LCOR: variants seen among roughly 807,000 people sequenced by gnomAD.
LCOR encodes the protein ligand dependent nuclear receptor corepressor.
Under a neutral mutation model 64.4 loss-of-function variants are expected in LCOR, and 14 were observed. The observed-to-expected ratio is 0.22, with a 90% CI of 0.14 to 0.34. LCOR has a LOEUF of 0.34. Among genes scored for constraint, LCOR ranks in the 10% least tolerant of loss-of-function variants. LCOR has a pLI of 1.00. For missense variants in LCOR, 1,686 were observed against 1,765.3 expected (o/e 0.96, Z 0.80); for synonymous variants, 643 against 642.5 (o/e 1.00, Z -0.01).
rs1848152915 is a variant in LCOR at position 96,986,716 on chromosome 10, G to C, written c.*1582G>C. Reference sequence around the variant, plus strand: ...CCATTGGGCCGCTCTACAAAAAAAGGCTTGGTTGTTGAAGCCTCAGTCAGC... The same window carrying C: ...CCATTGGGCCGCTCTACAAAAAAAGCCTTGGTTGTTGAAGCCTCAGTCAGC... On this transcript the variant is annotated 3_prime_UTR_variant, in exon 8 of 8. Coordinates refer to ENST00000421806, the MANE Select transcript of LCOR (RefSeq NM_001346516.2). 6.6e-6 allele frequency: 1 copy of C among 152,236 alleles called. No individual in the cohort carries two copies. Among genetic ancestry groups the C allele is most frequent in the Non-Finnish European group, 1.5e-5 (1 of 68,056 alleles). The allele number at this position is 152,236 out of a possible 1,614,324, so 9.4% of individuals were successfully genotyped here. A position where few individuals can be genotyped will look rare whatever the true frequency, so the allele number is the denominator to read the frequency against.
intron 2 of LCOR, among the ~76,000 whole-genome samples, chr10:96,861,120 G>C (rs904406192): frequency 6.6e-6 from 1 of 152,182 alleles, no homozygotes; most frequent in Non-Finnish European, 1.5e-5. Context: ...TTTATAGAAA[G>C]TGGGTATCTT....
chr10:96,964,934 C>T (rs998141311), intron 7 of LCOR, among the ~76,000 whole-genome samples: 2 of 152,060 alleles, frequency 1.3e-5, no homozygotes, highest in Non-Finnish European at 2.9e-5. Flanking sequence ...TGGTAGTTCT[C>T]ATTCTTGGCA....
At chr10:96,900,490 A>C (rs552434948) in intron 2 of LCOR, among the ~76,000 whole-genome samples, 1 of 152,214 alleles carries the variant, frequency 6.6e-6, no homozygotes, top group East Asian at 1.9e-4. Flanking sequence ...GATATAATAG[A>C]GAAGAACAAA....
intron 7 of LCOR, chr10:96,958,348 T>C: frequency 1.3e-6 from 2 of 1,532,668 alleles, no homozygotes; most frequent in Non-Finnish European, 1.7e-6. Flanking sequence ...ATGTAAATTT[T>C]GTCATTGTAG....
chr10:96,914,227 G>A (rs1473613542), intron 4 of LCOR, among the ~76,000 whole-genome samples: 2 of 152,038 alleles, frequency 1.3e-5, no homozygotes, highest in Non-Finnish European at 2.9e-5. Flanking sequence ...ACGGAGCCTC[G>A]CTCTTGTTGC....
At chr10:96,921,446 T>G (rs1328677182) in intron 4 of LCOR, among the ~76,000 whole-genome samples, 1 of 152,074 alleles carries the variant, frequency 6.6e-6, no homozygotes, top group African/African-American at 2.4e-5. Flanking sequence ...GGATCCAGCT[T>G]CATTCTTTAT....
chr10:96,880,873 G>A (rs1225934501), intron 2 of LCOR, among the ~76,000 whole-genome samples: 4 of 152,318 alleles, frequency 2.6e-5, no homozygotes, highest in African/African-American at 9.6e-5. Flanking sequence ...TATATTGAAC[G>A]TAGGTGAACC....
rs969791274 is a variant in LCOR, at chr10:96,916,053, ACGGAGTCT to A, written c.-184+8309_-184+8316del. Among the ~76,000 whole-genome samples, 21 of 151,926 alleles carry A rather than the reference ACGGAGTCT, an allele frequency of 1.4e-4. 1 individual carries two copies. Among genetic ancestry groups the A allele is most frequent in the African/African-American group, 5.1e-4 (21 of 41,328 alleles). On this transcript the variant is annotated intron_variant, in intron 4 of 7. Coordinates refer to ENST00000421806, the MANE Select transcript of LCOR (RefSeq NM_001346516.2). Reference sequence around the variant, plus strand: ...CATTTATTTATTTATTTATTTAGAGACGGAGTCTCGTTCTGTTGCCCAGGCTGGAGTGC... The same window carrying A: ...CATTTATTTATTTATTTATTTAGAGACGTTCTGTTGCCCAGGCTGGAGTGC...
At chr10:96,976,704 A>G (rs1036469854) in intron 7 of LCOR, among the ~76,000 whole-genome samples, 2 of 152,242 alleles carry the variant, frequency 1.3e-5, no homozygotes, top group Non-Finnish European at 2.9e-5. Flanking sequence ...TTACTCATTT[A>G]TTCTGTGTGA....
intron 7 of LCOR, chr10:96,955,905 G>T (rs1407261423): frequency 1.2e-6 from 2 of 1,609,604 alleles, no homozygotes; most frequent in Admixed American, 1.7e-5. Flanking sequence ...AAGTGCAAAT[G>T]AATCAAAAAA....
intron 5 of LCOR, among the ~76,000 whole-genome samples, chr10:96,948,150 G>A (rs992709135): frequency 2.6e-5 from 4 of 152,034 alleles, no homozygotes; most frequent in African/African-American, 7.3e-5. Context: ...AAAGTTCTTC[G>A]AGTTAATGAG....
chr10:96,886,887 G>C (rs1302059466), intron 2 of LCOR, among the ~76,000 whole-genome samples: 1 of 152,022 alleles, frequency 6.6e-6, no homozygotes, highest in Non-Finnish European at 1.5e-5. Context: ...TCAGCAAATT[G>C]GGACCTAAAG....
intron 2 of LCOR, among the ~76,000 whole-genome samples, chr10:96,864,837 G>A (rs1845945706): frequency 6.6e-6 from 1 of 152,202 alleles, no homozygotes. Context: ...TAGGTGTGTA[G>A]TAGGGTATAC....
intron 2 of LCOR, among the ~76,000 whole-genome samples, chr10:96,905,508 C>T (rs929379578): frequency 2.6e-5 from 4 of 152,024 alleles, no homozygotes; most frequent in Non-Finnish European, 5.9e-5. Context: ...TTTTTTAAGT[C>T]AGATCGTTCT....
intron 4 of LCOR, among the ~76,000 whole-genome samples, chr10:96,943,161 A>G (rs1398942161): frequency 6.6e-6 from 1 of 152,140 alleles, no homozygotes; most frequent in Non-Finnish European, 1.5e-5. Context: ...GTGCAGTGGC[A>G]TAATCTCAAG....
chr10:96,887,004 G>T (rs1846354813), intron 2 of LCOR, among the ~76,000 whole-genome samples: 1 of 152,170 alleles, frequency 6.6e-6, no homozygotes, highest in Admixed American at 6.5e-5. Context: ...AGTCTCTGAG[G>T]TGTGGTCCCT....
chr10:96,927,780 A>C (rs1847193581), intron 4 of LCOR, among the ~76,000 whole-genome samples: 1 of 152,194 alleles, frequency 6.6e-6, no homozygotes, highest in Admixed American at 6.6e-5. Flanking sequence ...ACATGTTGGT[A>C]TATTTCTGGA....
chr10:96,901,493 T>G (rs2134446437), intron 2 of LCOR, among the ~76,000 whole-genome samples: 1 of 152,180 alleles, frequency 6.6e-6, no homozygotes, highest in Non-Finnish European at 1.5e-5. Context: ...ATGTGTAGCT[T>G]CCCCTCCAAC....
At chr10:96,953,274 G>T (rs1219507282) in intron 7 of LCOR, among the ~76,000 whole-genome samples, 1 of 151,856 alleles carries the variant, frequency 6.6e-6, no homozygotes, top group Non-Finnish European at 1.5e-5. Context: ...TACTTGAGCC[G>T]GGCGTGGTGG....
Sources: gnomAD v4.1 joint callset for allele counts (sites outside exome capture counted in the v4.1 genomes callset) on GRCh38, gnomAD v4.1.1 for gene constraint, MANE v1.5 for transcripts, NCBI Gene and HGNC (gene_info 2026-07-23, HGNC 2026-07-21) for gene names.